KIF16B: variants seen among roughly 807,000 people sequenced by gnomAD.
The protein encoded by KIF16B is kinesin-like protein KIF16B.
KIF16B carries 98 observed loss-of-function variants against 156.3 expected under a neutral mutation model. The observed-to-expected ratio is 0.63, with a 90% CI of 0.53 to 0.74. The LOEUF (loss-of-function observed/expected upper bound fraction) is 0.74, where lower values mean the gene tolerates loss of function less well. Ranked by LOEUF, KIF16B falls within the 30% of genes least tolerant of loss-of-function variation. The probability of loss-of-function intolerance (pLI) is 0.00; values close to 1 mark genes in which losing one functional copy is unlikely to be tolerated. For missense variants in KIF16B, 1,421 were observed against 1,606.5 expected, an observed-to-expected ratio of 0.88 and a Z score of 1.97; for synonymous variants, 564 against 583.7, an observed-to-expected ratio of 0.97 and a Z score of 0.49.
chr20:16,511,467 G>A lies in KIF16B; in HGVS notation c.507C>T (p.Thr169=). The part of the protein sequence containing the change: ...RDLLRRKSSK[T]FNLRVREHPK... ...GATGCTCACGGACTCTCAAATTGAA[G>A]GTTTTAGATGACTTCCGCCGAAGTA... The change falls in exon 6 of 26, where the codon ACC becomes ACT. Residue 169 remains threonine, a synonymous_variant. Coordinates refer to ENST00000354981, the MANE Select transcript of KIF16B (RefSeq NM_024704.5). 1 of 1,612,596 alleles carries A rather than the reference G, an allele frequency of 6.2e-7. No homozygotes were observed. Among genetic ancestry groups the A allele is most frequent in the Non-Finnish European group, 8.5e-7 (1 of 1,179,114 alleles).
At chr20:16,433,385 T>C (rs1008710502) in intron 12 of KIF16B, among the ~76,000 whole-genome samples, 22 of 152,062 alleles carry the variant, frequency 1.4e-4, no homozygotes, top group African/African-American at 5.1e-4. Context: ...ATTTTAAACT[T>C]TAATAGCTCC....
At chr20:16,292,685 T>C (rs2122502016) in intron 25 of KIF16B, among the ~76,000 whole-genome samples, 1 of 152,312 alleles carries the variant, frequency 6.6e-6, no homozygotes, top group East Asian at 1.9e-4. Flanking sequence ...GAGAACTTAG[T>C]GGGCATGAGA....
At chr20:16,356,718 A>G (rs529211066) in intron 22 of KIF16B, among the ~76,000 whole-genome samples, 9 of 152,350 alleles carry the variant, frequency 5.9e-5, no homozygotes, top group African/African-American at 1.9e-4. Flanking sequence ...AGTTCCTTCC[A>G]ATTTATAAGA....
At chr20:16,437,524 C>A (rs979200823) in intron 12 of KIF16B, among the ~76,000 whole-genome samples, 7 of 152,158 alleles carry the variant, frequency 4.6e-5, no homozygotes, top group African/African-American at 1.7e-4. Context: ...GGAAGTGACA[C>A]CCCTTGAGAG....
intron 17 of KIF16B, among the ~76,000 whole-genome samples, chr20:16,402,168 C>T (rs188931182): frequency 1.3e-4 from 20 of 152,222 alleles, no homozygotes; most frequent in Admixed American, 1.0e-3. Context: ...CCATTCTCCC[C>T]CTTTCTGTTT....
intron 17 of KIF16B, among the ~76,000 whole-genome samples, chr20:16,402,661 G>A (rs1178721797): frequency 6.6e-6 from 1 of 152,116 alleles, no homozygotes; most frequent in Non-Finnish European, 1.5e-5. Flanking sequence ...AGAGGCACAG[G>A]CTAGTCCACA....
At chr20:16,388,975 G>A (rs1437271487) in intron 17 of KIF16B, among the ~76,000 whole-genome samples, 1 of 152,156 alleles carries the variant, frequency 6.6e-6, no homozygotes, top group Non-Finnish European at 1.5e-5. Flanking sequence ...CGGGTAGATA[G>A]GGAGGGTAAC....
chr20:16,419,592 TC>T (rs981625745), intron 15 of KIF16B, among the ~76,000 whole-genome samples: 4 of 152,102 alleles, frequency 2.6e-5, no homozygotes, highest in African/African-American at 9.7e-5. Flanking sequence ...AGTATAAATT[TC>T]CCAGATGCCA....
chr20:16,330,990 A>G (rs1372988230), intron 24 of KIF16B, among the ~76,000 whole-genome samples: 3 of 152,216 alleles, frequency 2.0e-5, no homozygotes, highest in African/African-American at 7.2e-5. Context: ...GGACTGCTCC[A>G]GAGACTGCTT....
intron 23 of KIF16B, among the ~76,000 whole-genome samples, chr20:16,353,181 A>G (rs1459978279): frequency 6.6e-6 from 1 of 152,202 alleles, no homozygotes; most frequent in African/African-American, 2.4e-5. Flanking sequence ...AGCCTCCTTA[A>G]ATAGCCACTG....
intron 15 of KIF16B, 49 bp downstream of exon 15, chr20:16,427,055 T>C: frequency 6.7e-7 from 1 of 1,488,886 alleles, no homozygotes; most frequent in Non-Finnish European, 9.0e-7. Context: ...AGCCAACTTG[T>C]TTTCTCAAAC....
chr20:16,324,479 A>T (rs2063814905), intron 24 of KIF16B, among the ~76,000 whole-genome samples: 1 of 152,046 alleles, frequency 6.6e-6, no homozygotes, highest in African/African-American at 2.4e-5. Flanking sequence ...GGCATTTCAC[A>T]ATGTGCAAAC....
chr20:16,478,116 C>T (rs1008404654), intron 12 of KIF16B, among the ~76,000 whole-genome samples: 1 of 152,008 alleles, frequency 6.6e-6, no homozygotes, highest in South Asian at 2.1e-4. Context: ...TGGAGGAGTG[C>T]CCAGAGGCTG....
At chr20:16,275,040 G>A (rs1452137119) in intron 25 of KIF16B, among the ~76,000 whole-genome samples, 1 of 151,238 alleles carries the variant, frequency 6.6e-6, no homozygotes, top group Non-Finnish European at 1.5e-5. Context: ...TAAAACTGGT[G>A]CATGATAAAT....
At chr20:16,547,814 G>A (rs896314048) in intron 1 of KIF16B, among the ~76,000 whole-genome samples, 4 of 152,150 alleles carry the variant, frequency 2.6e-5, no homozygotes, top group African/African-American at 7.2e-5. Context: ...CATGGTCCAC[G>A]GCATGCTGCA....
In KIF16B at chr20:16,494,205, C is replaced by G. The variant is rs986580992; in HGVS notation, c.1302+86G>C. 3.4e-5 allele frequency: 26 copies of G among 757,320 alleles called. No individual in the cohort carries two copies. In the African/African-American group the frequency reaches 4.6e-4, roughly 13 times the overall value. 46.9% of individuals were successfully genotyped at this position (757,320 alleles called of 1,614,324 possible). A position where few individuals can be genotyped will look rare whatever the true frequency, so the allele number is the denominator to read the frequency against. The stretch of plus-strand genomic sequence containing the variant: ...CTTACCTTAACAAAGTATACAACTG[C>G]CATGTTTGGAGATTAAAAAAAAAAA... On this transcript the variant is annotated intron_variant, in intron 12 of 25. Transcript: ENST00000354981.
chr20:16,487,709 G>C (rs2068162790), intron 12 of KIF16B, among the ~76,000 whole-genome samples: 1 of 152,116 alleles, frequency 6.6e-6, no homozygotes, highest in Admixed American at 6.6e-5. Context: ...CATTTTGAAA[G>C]GGTTACAAGT....
At chr20:16,421,931 G>A (rs998524452) in intron 15 of KIF16B, among the ~76,000 whole-genome samples, 8 of 152,150 alleles carry the variant, frequency 5.3e-5, no homozygotes, top group East Asian at 1.9e-4. Flanking sequence ...AGACAATTCC[G>A]ACAATTAACC....
intron 23 of KIF16B, among the ~76,000 whole-genome samples, chr20:16,346,020 G>A (rs1170818811): frequency 6.6e-6 from 1 of 152,174 alleles, no homozygotes; most frequent in Non-Finnish European, 1.5e-5. Context: ...AGAGAGACTT[G>A]GTCAGCAGCC....
Sources: allele counts gnomAD v4.1 joint callset (sites outside exome capture counted in the v4.1 genomes callset), GRCh38; gene constraint gnomAD v4.1.1; transcripts MANE v1.5; gene names NCBI Gene and HGNC (gene_info 2026-07-23, HGNC 2026-07-21).